The following ING5 variants were observed in gnomAD, a reference collection of about 807,000 sequenced individuals.
ING5 encodes inhibitor of growth family member 5, also known as inhibitor of growth protein 5.
In ING5, 17 loss-of-function variants were observed where a neutral mutation model predicts 37.4. That is an observed-to-expected ratio of 0.45 (90% CI 0.31 to 0.68). ING5 has a LOEUF of 0.68. Ranked by LOEUF, ING5 falls within the 30% of genes least tolerant of loss-of-function variation. The probability of loss-of-function intolerance (pLI) is 0.05; values close to 1 mark genes in which losing one functional copy is unlikely to be tolerated. For synonymous variants in ING5, 123 were observed against 116.6 expected (o/e 1.06, Z -0.36); for missense variants, 233 against 311.9 (o/e 0.75, Z 1.91).
At chr2:241,703,445 A>G (rs2069805902) in intron 1 of ING5, among the ~76,000 whole-genome samples, 1 of 152,110 alleles carries the variant, frequency 6.6e-6, no homozygotes. Flanking sequence ...ACGCGAAAGC[A>G]GCACGGGGGT....
intron 2 of ING5, among the ~76,000 whole-genome samples, chr2:241,706,625 CAAAAAAAA>C (rs770869002): frequency 3.7e-5 from 4 of 109,332 alleles, no homozygotes; most frequent in African/African-American, 6.9e-5. Context: ...AACTCCATCT[CAAAAAAAA>C]AAAAAAAAAA....
chr2:241,715,838 A>G (rs568828928), intron 5 of ING5, among the ~76,000 whole-genome samples: 1 of 151,066 alleles, frequency 6.6e-6, no homozygotes, highest in East Asian at 2.0e-4. Context: ...ATGTAGAAGT[A>G]TGTGTCTCAA....
intron 5 of ING5, 73 bp downstream of exon 5, chr2:241,712,144 A>T: frequency 8.2e-7 from 1 of 1,224,464 alleles, no homozygotes; most frequent in Non-Finnish European, 1.1e-6. Flanking sequence ...AGGAACACTG[A>T]TGGAAGCTGA....
intron 2 of ING5, among the ~76,000 whole-genome samples, chr2:241,707,729 G>T (rs761463640): frequency 3.9e-5 from 6 of 152,120 alleles, no homozygotes; most frequent in Non-Finnish European, 7.3e-5. Context: ...ATTATAGATT[G>T]CTTAACAAAT....
chr2:241,704,566 C>T (rs1007566684), intron 1 of ING5, 87 bp from the exon 2 acceptor site: 3 of 1,119,134 alleles, frequency 2.7e-6, no homozygotes, highest in Middle Eastern at 3.9e-4. Flanking sequence ...GAAACTCCAT[C>T]TCAAAAAAAA....
intron 5 of ING5, among the ~76,000 whole-genome samples, chr2:241,713,971 C>G (rs2070192976): frequency 6.8e-6 from 1 of 147,178 alleles, no homozygotes; most frequent in Non-Finnish European, 1.5e-5. Flanking sequence ...GCCTGGGTGA[C>G]AGAGCAAAAC....
At position 241,728,841 on chromosome 2, in the gene ING5, G is replaced by A. The variant is rs897810889; in HGVS notation, c.*3810G>A. 4 of 152,424 alleles carry A rather than the reference G, an allele frequency of 2.6e-5. No individual in the cohort carries two copies. Among genetic ancestry groups the A allele is most frequent in the South Asian group, 4.1e-4 (2 of 4,832 alleles). The allele number at this position is 152,424 out of a possible 1,614,324, so 9.4% of individuals were successfully genotyped here. Reference sequence around the variant, plus strand: ...TGTTTTCCAGTCTGCCTGGAGCAGCGAGAAGCAGCTGTGCAGACTGGTGGC... The same window carrying A: ...TGTTTTCCAGTCTGCCTGGAGCAGCAAGAAGCAGCTGTGCAGACTGGTGGC... On this transcript the variant is annotated 3_prime_UTR_variant, in exon 8 of 8. Transcript: ENST00000313552.
intron 5 of ING5, among the ~76,000 whole-genome samples, chr2:241,717,511 C>G (rs113244798): frequency 6.6e-6 from 1 of 151,964 alleles, no homozygotes; most frequent in Non-Finnish European, 1.5e-5. Context: ...ACATTTTTTG[C>G]AGTACATGTA....
intron 1 of ING5, among the ~76,000 whole-genome samples, 168 bp downstream of exon 1, chr2:241,702,270 AGGGGAGGGCGCGG>A (rs977038771): frequency 5.7e-5 from 8 of 139,758 alleles, no homozygotes; most frequent in Admixed American, 4.2e-4. Context: ...GCCGCAAGGG[AGGGGAGGGCGCGG>A]GGGGCGGGCG....
intron 1 of ING5, among the ~76,000 whole-genome samples, chr2:241,703,140 T>C (rs1383683485): frequency 2.0e-5 from 3 of 152,032 alleles, no homozygotes; most frequent in Admixed American, 2.0e-4. Flanking sequence ...GGGGAGGCCT[T>C]CTCTATCCTG....
At chr2:241,687,257 C>T (rs1424881924) in exon 1 of ING5, 2 of 397,560 alleles carry the variant, frequency 5.0e-6, no homozygotes, top group African/African-American at 4.1e-5. Flanking sequence ...GTGAGGGCTC[C>T]GGTCACGCGG....
chr2:241,713,268 G>C, intron 5 of ING5, among the ~76,000 whole-genome samples: 1 of 151,886 alleles, frequency 6.6e-6, no homozygotes, highest in East Asian at 1.9e-4. Context: ...ATGTTAGCCA[G>C]GCTGGTCTCG....
intron 7 of ING5, chr2:241,724,688 G>T (rs1254053595): frequency 6.5e-6 from 3 of 460,612 alleles, no homozygotes; most frequent in Non-Finnish European, 1.2e-5. Context: ...GAGGGCACCA[G>T]CGACCCTGCC....
chr2:241,709,412 C>T (rs774567298), intron 3 of ING5, 30 bp downstream of exon 3: 8 of 1,588,704 alleles, frequency 5.0e-6, no homozygotes, highest in Middle Eastern at 1.7e-4. Context: ...CATGGCTCTT[C>T]CTCTGACCTC....
chr2:241,719,914 C>T (rs1359423966), intron 5 of ING5: 18 of 1,312,184 alleles, frequency 1.4e-5, no homozygotes, highest in Admixed American at 7.2e-5. Flanking sequence ...GCGACAGTTG[C>T]GGGGCCCTGC....
intron 2 of ING5, among the ~76,000 whole-genome samples, chr2:241,691,664 G>A (rs1013686827): frequency 2.0e-5 from 3 of 152,108 alleles, no homozygotes; most frequent in Admixed American, 6.6e-5. Context: ...TGCCTGGTAC[G>A]GGCTGTCTTT....
intron 1 of ING5, among the ~76,000 whole-genome samples, chr2:241,703,314 C>T (rs897147592): frequency 1.3e-5 from 2 of 152,162 alleles, no homozygotes; most frequent in African/African-American, 2.4e-5. Context: ...AAATGATTGC[C>T]TGGTAACTGT....
In ING5 at chr2:241,712,472, T is replaced by G. The variant is rs146380810; in HGVS notation, c.482+401T>G. ...TAGATTTCTGTATATCTGTCAGTTA[T>G]TTTATGTGTCAACATATAGTGTGCA... On this transcript the variant is annotated intron_variant, in intron 5 of 7. Coordinates refer to ENST00000313552, the MANE Select transcript of ING5 (RefSeq NM_032329.6). 5.3e-3 allele frequency: 890 copies of G among 169,002 alleles called. 9 individuals are homozygous for G. Among genetic ancestry groups the G allele is most frequent in the African/African-American group, 0.02 (839 of 42,124 alleles). The allele number at this position is 169,002 out of a possible 1,614,324, so 10.5% of individuals were successfully genotyped here. A position where few individuals can be genotyped will look rare whatever the true frequency, so the allele number is the denominator to read the frequency against.
intron 5 of ING5, among the ~76,000 whole-genome samples, chr2:241,713,009 AAAAT>A (rs1346231325): frequency 6.6e-6 from 1 of 151,638 alleles, no homozygotes; most frequent in African/African-American, 2.4e-5. Flanking sequence ...TCAAAAAAAA[AAAAT>A]AAAGAGAAAA....
Sources: gnomAD v4.1 joint callset for allele counts (sites outside exome capture counted in the v4.1 genomes callset) on GRCh38, gnomAD v4.1.1 for gene constraint, MANE v1.5 for transcripts, NCBI Gene and HGNC (gene_info 2026-07-23, HGNC 2026-07-21) for gene names.